Variants in GRID2 observed in about 807,000 individuals in gnomAD.
The protein encoded by GRID2 is glutamate ionotropic receptor delta type subunit 2.
Under a neutral mutation model 114.8 loss-of-function variants are expected in GRID2, and 33 were observed. That is an observed-to-expected ratio of 0.29 (90% CI 0.22 to 0.38). GRID2 has a LOEUF of 0.38. Ranked by LOEUF, GRID2 falls within the 10% of genes least tolerant of loss-of-function variation. The probability of loss-of-function intolerance (pLI) is 1.00; values close to 1 mark genes in which losing one functional copy is unlikely to be tolerated. For synonymous variants in GRID2, 505 were observed against 449.9 expected, an observed-to-expected ratio of 1.12 and a Z score of -1.55; for missense variants, 1,184 against 1,257.7, an observed-to-expected ratio of 0.94 and a Z score of 0.89.
chr4:92,668,150 A>G (rs1345569587), intron 2 of GRID2, among the ~76,000 whole-genome samples: 1 of 151,816 alleles, frequency 6.6e-6, no homozygotes, highest in Non-Finnish European at 1.5e-5. Flanking sequence ...CACAGTGTCA[A>G]GGAAAATCAA....
chr4:93,008,996 T>C (rs1265593694), intron 2 of GRID2, among the ~76,000 whole-genome samples: 6 of 152,128 alleles, frequency 3.9e-5, no homozygotes, highest in African/African-American at 1.4e-4. Context: ...ATTTCCCTCT[T>C]AGTTTTTTAG....
chr4:93,466,868 T>C (rs1297614232), intron 11 of GRID2, among the ~76,000 whole-genome samples: 4 of 152,206 alleles, frequency 2.6e-5, no homozygotes, highest in Non-Finnish European at 5.9e-5. Context: ...GTCAATTATA[T>C]AGAAACATAA....
At chr4:92,974,956 C>T (rs561053664) in intron 2 of GRID2, among the ~76,000 whole-genome samples, 1 of 151,242 alleles carries the variant, frequency 6.6e-6, no homozygotes, top group Non-Finnish European at 1.5e-5. Context: ...AGGAGATCTA[C>T]ACCATCCTGG....
chr4:93,316,216 C>G (rs922731859), intron 8 of GRID2, among the ~76,000 whole-genome samples: 1 of 150,240 alleles, frequency 6.7e-6, no homozygotes, highest in Non-Finnish European at 1.5e-5. Context: ...TGTAGTAGGT[C>G]CAGCCTGGCT....
intron 2 of GRID2, among the ~76,000 whole-genome samples, chr4:92,656,012 T>C (rs921879172): frequency 6.6e-6 from 1 of 151,784 alleles, no homozygotes; most frequent in African/African-American, 2.4e-5. Context: ...TTCTCATATA[T>C]AGTCTTTATT....
rs568387667 is a variant in GRID2, at chr4:92,778,849, G to T, written c.244+188563G>T. On this transcript the variant is annotated intron_variant, in intron 2 of 15. Coordinates refer to ENST00000282020, the MANE Select transcript of GRID2 (RefSeq NM_001510.4). ...CTTCAGTATATCATGGAAATTTAAT[G>T]CTGGTTCATGCCTTAAAGATAATCT... 6.6e-5 allele frequency among the ~76,000 whole-genome samples: 10 copies of T among 152,098 alleles called. No homozygotes were observed. The East Asian group carries it at 1.9e-3, about 29-fold the overall frequency.
chr4:92,803,077 G>A (rs1404655447), intron 2 of GRID2, among the ~76,000 whole-genome samples: 2 of 151,828 alleles, frequency 1.3e-5, no homozygotes, highest in African/African-American at 4.8e-5. Flanking sequence ...ATATTTTTTG[G>A]AGACTTTGTT....
At chr4:92,675,832 G>T (rs1256490471) in intron 2 of GRID2, among the ~76,000 whole-genome samples, 1 of 152,050 alleles carries the variant, frequency 6.6e-6, no homozygotes, top group Admixed American at 6.5e-5. Flanking sequence ...GGGATTACAG[G>T]CGTGAGCTAC....
intron 2 of GRID2, among the ~76,000 whole-genome samples, chr4:92,907,065 GTATTT>G (rs1377819969): frequency 2.0e-5 from 3 of 152,038 alleles, no homozygotes; most frequent in African/African-American, 7.2e-5. Flanking sequence ...GAATACAAAG[GTATTT>G]TATTAATGGA....
chr4:93,664,747 T>C (rs1410143721), intron 14 of GRID2, among the ~76,000 whole-genome samples: 1 of 152,138 alleles, frequency 6.6e-6, no homozygotes, highest in Non-Finnish European at 1.5e-5. Context: ...CTTTGCCGTT[T>C]ATTAGCTGTG....
At chr4:93,157,066 T>C (rs1285170352) in intron 4 of GRID2, among the ~76,000 whole-genome samples, 2 of 151,788 alleles carry the variant, frequency 1.3e-5, no homozygotes, top group Non-Finnish European at 2.9e-5. Context: ...ATTTTTCTTT[T>C]ATTTTACTCA....
At chr4:93,591,925 C>T (rs531549641) in intron 13 of GRID2, among the ~76,000 whole-genome samples, 27 of 152,020 alleles carry the variant, frequency 1.8e-4, no homozygotes, top group South Asian at 6.2e-4. Context: ...TTTTTTATTG[C>T]GTCTATTTGA....
intron 6 of GRID2, among the ~76,000 whole-genome samples, chr4:93,221,286 T>A (rs1399479847): frequency 6.6e-6 from 1 of 152,126 alleles, no homozygotes; most frequent in East Asian, 1.9e-4. Context: ...ACTAAGATGA[T>A]CAGCCTAGAA....
chr4:93,665,280 T>C (rs1444940860), intron 14 of GRID2, among the ~76,000 whole-genome samples: 5 of 152,188 alleles, frequency 3.3e-5, no homozygotes, highest in African/African-American at 1.2e-4. Context: ...TCCTTTGCAA[T>C]TTATATAGTC....
chr4:93,668,157 A>C (rs1560881601), intron 14 of GRID2, among the ~76,000 whole-genome samples: 1 of 151,968 alleles, frequency 6.6e-6, no homozygotes, highest in Non-Finnish European at 1.5e-5. Context: ...TAATTTTTAT[A>C]ATTTTTTATA....
At chr4:93,582,269 A>T (rs1737055781) in intron 13 of GRID2, among the ~76,000 whole-genome samples, 1 of 152,060 alleles carries the variant, frequency 6.6e-6, no homozygotes, top group Non-Finnish European at 1.5e-5. Context: ...CGTATCATCC[A>T]ATCTCCCTCT....
rs7655471 is a variant in GRID2, at chr4:92,947,421, A to G, written c.245-137574A>G. On this transcript the variant is annotated intron_variant, in intron 2 of 15. Coordinates refer to ENST00000282020, the MANE Select transcript of GRID2 (RefSeq NM_001510.4). The stretch of plus-strand genomic sequence containing the variant: ...AGTATGTATCATTGGCTGAAATACA[A>G]TCAGATTTGTCAATTTTCCATTTTG... 1.0e-2 allele frequency among the ~76,000 whole-genome samples: 1,518 copies of G among 152,106 alleles called. 20 individuals carry two copies. Among genetic ancestry groups the G allele is most frequent in the African/African-American group, 0.035 (1,447 of 41,552 alleles).
intron 8 of GRID2, chr4:93,319,658 G>A (rs1449357880): frequency 6.6e-6 from 1 of 152,096 alleles, no homozygotes; most frequent in Non-Finnish European, 1.5e-5. Flanking sequence ...AAATCAGAGA[G>A]ACTCGAAGCA....
intron 4 of GRID2, among the ~76,000 whole-genome samples, chr4:93,164,023 T>C (rs896460044): frequency 1.3e-5 from 2 of 152,032 alleles, no homozygotes; most frequent in Admixed American, 1.3e-4. Context: ...ATTAAGTTAG[T>C]TCTCTTTATC....
Sources: gnomAD v4.1 joint callset for allele counts (sites outside exome capture counted in the v4.1 genomes callset) on GRCh38, gnomAD v4.1.1 for gene constraint, MANE v1.5 for transcripts, NCBI Gene and HGNC (gene_info 2026-07-23, HGNC 2026-07-21) for gene names.